CRTAP: variants seen among roughly 807,000 people sequenced by gnomAD.
CRTAP encodes the protein cartilage-associated protein.
A neutral mutation model predicts 42.7 loss-of-function variants in CRTAP; 33 were observed. That is an observed-to-expected ratio of 0.77 (90% confidence interval 0.59 to 1.03). The LOEUF (loss-of-function observed/expected upper bound fraction) is 1.03, where lower values mean the gene tolerates loss of function less well. Ranked by LOEUF, CRTAP falls within the 50% of genes least tolerant of loss-of-function variation. CRTAP has a pLI of 0.00. For missense variants in CRTAP, 613 were observed against 533.9 expected, an observed-to-expected ratio of 1.15 and a Z score of -1.46; for synonymous variants, 243 against 217.7, an observed-to-expected ratio of 1.12 and a Z score of -1.02.
At chr3:33,138,639 T>A (rs2030490237) in intron 6 of CRTAP, among the ~76,000 whole-genome samples, 1 of 152,166 alleles carries the variant, frequency 6.6e-6, no homozygotes, top group Non-Finnish European at 1.5e-5. Context: ...TATTTATTAG[T>A]TTGTATGTGT....
At position 33,131,504 on chromosome 3, in the gene CRTAP, G is replaced by T. The variant is rs986495453; in HGVS notation, c.923-1051G>T. Among the ~76,000 whole-genome samples, 4 of 152,230 alleles carry T rather than the reference G, an allele frequency of 2.6e-5. No homozygotes were observed. The East Asian group carries it at 7.7e-4, about 29-fold the overall frequency. On this transcript the variant is annotated intron_variant, in intron 4 of 6. Coordinates refer to ENST00000320954, the MANE Select transcript of CRTAP (RefSeq NM_006371.5). ...CCCTGGGCCTCTGAAATCCTCACGTGCCCTGAAAATCGCCCTGCATATCAG... is the reference window on the plus strand; with the variant it reads ...CCCTGGGCCTCTGAAATCCTCACGTTCCCTGAAAATCGCCCTGCATATCAG...
chr3:33,129,647 T>C (rs548254834), intron 3 of CRTAP, among the ~76,000 whole-genome samples: 85 of 151,324 alleles, frequency 5.6e-4, no homozygotes, highest in South Asian at 1.3e-3. Flanking sequence ...ACGCCATTCT[T>C]CTGCCTCAGC....
At chr3:33,121,391 G>A (rs748308100) in intron 2 of CRTAP, among the ~76,000 whole-genome samples, 10 of 145,490 alleles carry the variant, frequency 6.9e-5, no homozygotes, top group Admixed American at 4.0e-4. Flanking sequence ...CAGCCTGGGC[G>A]ACAGAGCGAG....
rs751957631 is a variant in CRTAP at position 33,124,598 on chromosome 3, G to A, written c.793+19G>A. The A allele has an allele frequency of 5.6e-6, 9 of 1,613,822 alleles. No homozygotes were observed. The highest frequency in any genetic ancestry group is 6.8e-6 in the Non-Finnish European group (8 of 1,179,780). On this transcript the variant is annotated intron_variant, in intron 3 of 6. Coordinates refer to ENST00000320954, the MANE Select transcript of CRTAP (RefSeq NM_006371.5). ...ATAGCAGGTTGGTGGTAGGTCAATA[G>A]GCTCACTACTCCCATGGAATAGTCT...
At chr3:33,141,731 G>A (rs901337565) in intron 6 of CRTAP, among the ~76,000 whole-genome samples, 1 of 152,196 alleles carries the variant, frequency 6.6e-6, no homozygotes, top group African/African-American at 2.4e-5. Flanking sequence ...AGAAGTCAAT[G>A]TGGAGAAAGA....
At chr3:33,119,114 T>C (rs886106912) in intron 1 of CRTAP, among the ~76,000 whole-genome samples, 1 of 152,232 alleles carries the variant, frequency 6.6e-6, no homozygotes, top group South Asian at 2.1e-4. Flanking sequence ...TGACCAGATA[T>C]CTACCTCCCC....
At chr3:33,117,126 C>T (rs983119672) in intron 1 of CRTAP, among the ~76,000 whole-genome samples, 9 of 152,002 alleles carry the variant, frequency 5.9e-5, no homozygotes, top group South Asian at 2.1e-4. Context: ...GTGATGTTTA[C>T]GTGTTTAAAC....
intron 2 of CRTAP, among the ~76,000 whole-genome samples, chr3:33,121,175 G>A (rs183972775): frequency 0.01 from 1,583 of 152,192 alleles, 26 homozygotes; most frequent in African/African-American, 0.036. Flanking sequence ...TTGGGAGGCC[G>A]AGGCGGATGG....
chr3:33,136,489 G>A (rs1182348158), intron 6 of CRTAP, among the ~76,000 whole-genome samples: 1 of 152,218 alleles, frequency 6.6e-6, no homozygotes, highest in African/African-American at 2.4e-5. Flanking sequence ...AGTGGTTCAT[G>A]CCTGTAATCC....
In CRTAP at chr3:33,114,199, T is replaced by A; in HGVS notation, c.122T>A (p.Leu41Gln). Reference sequence around the variant, plus strand: ...TTCCGCAGCTTCCCACGGGACGAGCTGATGCCGCTCGAGTCGGCCTACCGG... The same window carrying A: ...TTCCGCAGCTTCCCACGGGACGAGCAGATGCCGCTCGAGTCGGCCTACCGG... ...YSFRSFPRDE[L>Q]MPLESAYRHA... Residue 41 changes from leucine to glutamine, a missense_variant, in exon 1 of 7, where the codon CTG becomes CAG. By Grantham distance (113) the Leu-to-Gln change is moderately radical. Transcript: ENST00000320954. 6.3e-7 allele frequency: 1 copy of A among 1,594,440 alleles called. No homozygotes were observed. Among genetic ancestry groups the A allele is most frequent in the South Asian group, 1.1e-5 (1 of 89,654 alleles).
Position 33,144,954 on chromosome 3 carries a change from A to G in CRTAP, c.*2506A>G, listed in dbSNP as rs373882880. 22 of 152,360 alleles carry G rather than the reference A, an allele frequency of 1.4e-4. No homozygotes were observed. The highest frequency in any genetic ancestry group is 4.8e-4 in the African/African-American group (20 of 41,586). The allele number at this position is 152,360 out of a possible 1,614,324, so 9.4% of individuals were successfully genotyped here. A position where few individuals can be genotyped will look rare whatever the true frequency, so the allele number is the denominator to read the frequency against. On this transcript the variant is annotated 3_prime_UTR_variant, in exon 7 of 7. Transcript: ENST00000320954. The stretch of plus-strand genomic sequence containing the variant: ...TTGGGCCCCTCCAGGGTTGAAGGCA[A>G]GAGGAGAAAGGCACAGCGTTTGGGA...
At chr3:33,140,248 A>G (rs756584611) in intron 6 of CRTAP, among the ~76,000 whole-genome samples, 2 of 152,242 alleles carry the variant, frequency 1.3e-5, no homozygotes, top group African/African-American at 2.4e-5. Context: ...AGGGTTAGTA[A>G]TCATCTAATG....
chr3:33,133,233 C>A (rs957243260), intron 5 of CRTAP, among the ~76,000 whole-genome samples: 17 of 151,176 alleles, frequency 1.1e-4, no homozygotes, highest in African/African-American at 3.7e-4. Flanking sequence ...AAACAAAATT[C>A]TCTCGTAATC....
intron 6 of CRTAP, among the ~76,000 whole-genome samples, chr3:33,141,763 G>C (rs1392254976): frequency 6.6e-6 from 1 of 152,212 alleles, no homozygotes; most frequent in Non-Finnish European, 1.5e-5. Flanking sequence ...GTGCTGGGCT[G>C]CTTCAAGTTG....
chr3:33,116,728 G>A (rs966493681), intron 1 of CRTAP, among the ~76,000 whole-genome samples: 17 of 152,146 alleles, frequency 1.1e-4, no homozygotes, highest in Middle Eastern at 3.2e-3. Flanking sequence ...ATTAATAAAC[G>A]TGAATGTTAC....
chr3:33,130,084 G>A lies in CRTAP; in HGVS notation c.922+17G>A. The A allele has an allele frequency of 1.8e-5, 29 of 1,611,316 alleles. No individual in the cohort carries two copies. The highest frequency in any genetic ancestry group is 2.1e-5 in the Non-Finnish European group (25 of 1,177,948). ...ATTATAAGTGTAAGTAATCTTCTGT[G>A]ACATCTTGGGTGAGGCACTTAGTCC... On this transcript the variant is annotated intron_variant, in intron 4 of 6. Transcript: ENST00000320954.
intron 3 of CRTAP, among the ~76,000 whole-genome samples, chr3:33,129,454 T>A (rs751897936): frequency 2.6e-5 from 4 of 152,138 alleles, no homozygotes; most frequent in Non-Finnish European, 5.9e-5. Context: ...TGGATGTTCA[T>A]CTTTTTCATA....
intron 6 of CRTAP, among the ~76,000 whole-genome samples, chr3:33,135,680 G>T (rs902663214): frequency 1.3e-5 from 2 of 151,188 alleles, no homozygotes; most frequent in Non-Finnish European, 2.9e-5. Context: ...CAGTTATCTA[G>T]AGGCAAGCTA....
In CRTAP at chr3:33,124,595, A is replaced by G. The variant is rs367750258; in HGVS notation, c.793+16A>G. On this transcript the variant is annotated intron_variant, in intron 3 of 6. Transcript: ENST00000320954. ...TCCATAGCAGGTTGGTGGTAGGTCA[A>G]TAGGCTCACTACTCCCATGGAATAG... 2.5e-5 allele frequency: 41 copies of G among 1,613,900 alleles called. No homozygotes were observed. In the African/African-American group the frequency reaches 3.5e-4, roughly 14 times the overall value.
Sources: allele counts gnomAD v4.1 joint callset (sites outside exome capture counted in the v4.1 genomes callset), GRCh38; gene constraint gnomAD v4.1.1; transcripts MANE v1.5; gene names NCBI Gene and HGNC (gene_info 2026-07-23, HGNC 2026-07-21).